Variants in CRY1 observed in about 807,000 individuals in gnomAD.
The protein encoded by CRY1 is cryptochrome-1.
CRY1 carries 45 observed loss-of-function variants against 76.0 expected under a neutral mutation model. The observed-to-expected ratio is 0.59, with a 90% CI of 0.47 to 0.76. The LOEUF is 0.76. CRY1 is among the 30% of genes least tolerant of loss of function. The pLI, the probability that CRY1 is intolerant of heterozygous loss-of-function variation, is 0.00. For synonymous variants in CRY1, 248 were observed against 244.0 expected (o/e 1.02, Z -0.15); for missense variants, 587 against 716.4 (o/e 0.82, Z 2.06).
At chr12:107,004,602 T>C (rs1338895945) in intron 3 of CRY1, among the ~76,000 whole-genome samples, 1 of 152,210 alleles carries the variant, frequency 6.6e-6, no homozygotes, top group Admixed American at 6.5e-5. Flanking sequence ...TATTCTATTA[T>C]GCCATTGTTC....
intron 1 of CRY1, among the ~76,000 whole-genome samples, chr12:107,062,795 G>C (rs1953062975): frequency 6.6e-6 from 1 of 152,178 alleles, no homozygotes; most frequent in Admixed American, 6.5e-5. Flanking sequence ...AAAGAATATT[G>C]TCAAATAGCT....
At chr12:107,016,839 T>C (rs924124609) in intron 2 of CRY1, among the ~76,000 whole-genome samples, 2 of 152,222 alleles carry the variant, frequency 1.3e-5, no homozygotes, top group African/African-American at 4.8e-5. Flanking sequence ...CATTCTGCCA[T>C]GCGTCCAGGC....
At chr12:107,046,125 T>TAA (rs35548593) in intron 1 of CRY1, among the ~76,000 whole-genome samples, 20 of 137,160 alleles carry the variant, frequency 1.5e-4, no homozygotes, top group Middle Eastern at 7.2e-3. Context: ...GACTCTGTCT[T>TAA]AAAAAAAAAA....
At chr12:107,019,905 C>T (rs569368966) in intron 2 of CRY1, among the ~76,000 whole-genome samples, 8 of 152,044 alleles carry the variant, frequency 5.3e-5, no homozygotes, top group South Asian at 2.1e-4. Context: ...GGCAACAGAG[C>T]GAAACCCTGT....
At chr12:107,068,867 T>C (rs1036854894) in intron 1 of CRY1, among the ~76,000 whole-genome samples, 1 of 152,236 alleles carries the variant, frequency 6.6e-6, no homozygotes, top group Non-Finnish European at 1.5e-5. Context: ...GTCTGGTTTC[T>C]TTCACTTAGA....
chr12:107,006,063 A>C (rs1378193564), intron 2 of CRY1, among the ~76,000 whole-genome samples: 1 of 152,234 alleles, frequency 6.6e-6, no homozygotes, highest in East Asian at 1.9e-4. Flanking sequence ...AGATTAGACA[A>C]GGGCTATTCC....
At chr12:107,029,419 T>A (rs1239080982) in intron 1 of CRY1, among the ~76,000 whole-genome samples, 1 of 151,754 alleles carries the variant, frequency 6.6e-6, no homozygotes, top group African/African-American at 2.4e-5. Flanking sequence ...TAGGGAGATC[T>A]CATCTCTACA....
intron 1 of CRY1, among the ~76,000 whole-genome samples, chr12:107,045,857 G>A (rs1952842802): frequency 6.6e-6 from 1 of 152,092 alleles, no homozygotes; most frequent in African/African-American, 2.4e-5. Context: ...TATACCTAAT[G>A]TAAATGATAA....
intron 3 of CRY1, among the ~76,000 whole-genome samples, chr12:107,003,880 C>T (rs1952340603): frequency 6.7e-6 from 1 of 149,304 alleles, no homozygotes; most frequent in Admixed American, 6.7e-5. Flanking sequence ...TATCTTGGCT[C>T]ACTGCAACGT....
intron 1 of CRY1, among the ~76,000 whole-genome samples, chr12:107,069,550 GTATATATATAA>G (rs1233716420): frequency 9.5e-5 from 10 of 104,784 alleles, no homozygotes; most frequent in African/African-American, 1.5e-4. Flanking sequence ...TATATATAAA[GTATATATATAA>G]TATATATATA....
chr12:107,076,969 A>C (rs1368335793), intron 1 of CRY1, among the ~76,000 whole-genome samples: 1 of 152,134 alleles, frequency 6.6e-6, no homozygotes, highest in Non-Finnish European at 1.5e-5. Context: ...AGGCTCCCCA[A>C]AAGCAGACGC....
rs1952638827 is a variant in CRY1 at position 107,028,402 on chromosome 12, G to GTT, written c.159-6211_159-6210insAA. Among the ~76,000 whole-genome samples the GTT allele has an allele frequency of 2.0e-5, 3 of 152,108 alleles. No individual in the cohort carries two copies. In the South Asian group the frequency reaches 6.2e-4, roughly 32 times the overall value. ...TAAGAGTTTAATGTTCAATAAAGAT[G>GTT]AAATATATATTTTAAAAGCAAACTT... is the stretch of plus-strand genomic sequence containing the variant. On this transcript the variant is annotated intron_variant, in intron 1 of 12. Transcript: ENST00000008527.
chr12:106,995,070 T>C (rs1458626374), intron 10 of CRY1, among the ~76,000 whole-genome samples: 2 of 152,220 alleles, frequency 1.3e-5, no homozygotes, highest in African/African-American at 4.8e-5. Context: ...AGTACAAGCT[T>C]TGGAGCTAGT....
intron 2 of CRY1, among the ~76,000 whole-genome samples, chr12:107,008,265 C>A (rs1952397980): frequency 1.3e-5 from 2 of 152,206 alleles, no homozygotes; most frequent in South Asian, 4.1e-4. Flanking sequence ...GTGAACATCT[C>A]TCCAAAAGAA....
Position 106,997,913 on chromosome 12 carries a change from A to G in CRY1, c.1289+2T>C, listed in dbSNP as rs754454649. 2.5e-5 allele frequency: 41 copies of G among 1,612,850 alleles called. No homozygotes were observed. Among genetic ancestry groups the G allele is most frequent in the Non-Finnish European group, 3.2e-5 (38 of 1,179,656 alleles). On this transcript the variant is annotated splice_donor_variant, in intron 8 of 12. Transcript: ENST00000008527. LOFTEE classifies it high-confidence loss of function. Reference sequence around the variant, plus strand: ...ACTGAGTAGTAATCACCCTTGATTTACCTGATATAGTCTCCATTGGGATCT... The same window carrying G: ...ACTGAGTAGTAATCACCCTTGATTTGCCTGATATAGTCTCCATTGGGATCT...
intron 7 of CRY1, 78 bp from the exon 8 acceptor site, chr12:106,998,144 C>T: frequency 6.6e-7 from 1 of 1,517,150 alleles, no homozygotes; most frequent in African/African-American, 1.4e-5. Flanking sequence ...ACAGTAGAGC[C>T]AAAGTCAAGG....
At chr12:107,061,005 T>A (rs140004180) in intron 1 of CRY1, among the ~76,000 whole-genome samples, 2 of 151,816 alleles carry the variant, frequency 1.3e-5, no homozygotes, top group Non-Finnish European at 1.5e-5. Flanking sequence ...ACAAAAAAAA[T>A]TATTTCTCTT....
intron 1 of CRY1, among the ~76,000 whole-genome samples, chr12:107,027,368 G>A (rs1309521978): frequency 6.6e-6 from 1 of 151,914 alleles, no homozygotes; most frequent in Admixed American, 6.6e-5. Flanking sequence ...CTCCAATTTG[G>A]CATATATATT....
chr12:107,039,264 T>C (rs147634790), intron 1 of CRY1, among the ~76,000 whole-genome samples: 1,866 of 152,304 alleles, frequency 0.012, 13 homozygotes, highest in Non-Finnish European at 0.018. Context: ...CTTTGTGACA[T>C]TGGGTCTTGG....
Sources: gnomAD v4.1 joint callset for allele counts (sites outside exome capture counted in the v4.1 genomes callset) on GRCh38, gnomAD v4.1.1 for gene constraint, MANE v1.5 for transcripts, NCBI Gene and HGNC (gene_info 2026-07-23, HGNC 2026-07-21) for gene names.